The following AGBL3 variants were observed in gnomAD, a reference collection of about 807,000 sequenced individuals.
The protein encoded by AGBL3 is cytosolic carboxypeptidase 3.
Under a neutral mutation model 94.5 loss-of-function variants are expected in AGBL3, and 68 were observed. The observed-to-expected ratio is 0.72, with a 90% confidence interval of 0.59 to 0.88. The LOEUF is 0.88. Among genes scored for constraint, AGBL3 ranks in the 40% least tolerant of loss-of-function variants. The pLI is 0.00. For synonymous variants in AGBL3, 354 were observed against 370.7 expected (o/e 0.95, Z 0.52); for missense variants, 934 against 1,103.8 (o/e 0.85, Z 2.18).
chr7:134,994,874 C>T (rs548305621), intron 4 of AGBL3, among the ~76,000 whole-genome samples: 2 of 152,254 alleles, frequency 1.3e-5, no homozygotes, highest in African/African-American at 4.8e-5. Flanking sequence ...CCTTACACAT[C>T]TCTTCAAAGC....
At chr7:134,989,203 A>T (rs2133354481) in intron 2 of AGBL3, 47 bp from the exon 3 acceptor site, 1 of 1,415,498 alleles carries the variant, frequency 7.1e-7, no homozygotes, top group East Asian at 2.5e-5. Context: ...CTGGATTTGA[A>T]AACTGTTGGT....
chr7:135,088,185 A>G (rs1821481544), intron 15 of AGBL3, among the ~76,000 whole-genome samples: 1 of 151,998 alleles, frequency 6.6e-6, no homozygotes, highest in Admixed American at 6.6e-5. Flanking sequence ...CCATCCCTTC[A>G]GTTCAGCCTA....
At position 134,993,583 on chromosome 7, in the gene AGBL3, C is replaced by T. The variant is rs369701730; in HGVS notation, c.215C>T (p.Pro72Leu). 1 of 1,551,964 alleles carries T rather than the reference C, an allele frequency of 6.4e-7. No individual in the cohort carries two copies. The highest frequency in any genetic ancestry group is 2.4e-5 in the East Asian group (1 of 40,922). The change falls in exon 4 of 17, where the codon CCA becomes CTA. Residue 72 changes from proline (P) to leucine (L), a missense_variant. Pro to Leu is a moderately conservative substitution (Grantham distance 98). Around this residue, in one of 3 missense-constraint regions of AGBL3, gnomAD observed 488 missense variants for 563.6 expected, o/e 0.87. Coordinates refer to ENST00000436302, the MANE Select transcript of AGBL3 (RefSeq NM_178563.4). ...LGRWVPRLRE[P>L]RDLYGVSSSG... ...AGATGGGTGCCACGTCTTCGTGAAC[C>T]AAGGGATTTATATGGTGTCTCTTCT...
chr7:135,096,600 G>GATAGATAC (rs1822836732), intron 15 of AGBL3, among the ~76,000 whole-genome samples: 1 of 80,808 alleles, frequency 1.2e-5, no homozygotes, highest in Non-Finnish European at 2.8e-5. Flanking sequence ...TAGATAGATA[G>GATAGATAC]ATAGATAGAT....
chr7:134,993,228 C>T (rs1006031822), intron 3 of AGBL3, among the ~76,000 whole-genome samples: 2 of 152,140 alleles, frequency 1.3e-5, no homozygotes, highest in African/African-American at 4.8e-5. Flanking sequence ...GCTAGAAAAG[C>T]TACGAGAAAC....
chr7:135,079,158 C>T (rs1283429535), intron 13 of AGBL3, among the ~76,000 whole-genome samples: 2 of 152,240 alleles, frequency 1.3e-5, no homozygotes, highest in African/African-American at 2.4e-5. Context: ...TTCACAGAAT[C>T]ATTTCACTTA....
chr7:135,102,958 CTG>C (rs1162302805), intron 15 of AGBL3, among the ~76,000 whole-genome samples: 1 of 152,106 alleles, frequency 6.6e-6, no homozygotes, highest in Non-Finnish European at 1.5e-5. Context: ...TTAAAAGACA[CTG>C]TTAAGAAAAT....
chr7:134,997,602 C>T (rs747500516), intron 4 of AGBL3, among the ~76,000 whole-genome samples: 5 of 152,300 alleles, frequency 3.3e-5, no homozygotes, highest in African/African-American at 4.8e-5. Context: ...AAAATTGATA[C>T]TGTGTGTCCA....
intron 12 of AGBL3, among the ~76,000 whole-genome samples, chr7:135,075,730 C>G (rs1314432711): frequency 6.6e-6 from 1 of 152,214 alleles, no homozygotes; most frequent in Non-Finnish European, 1.5e-5. Flanking sequence ...TCTGTGCATC[C>G]TCACCAAAAT....
At chr7:135,100,469 G>C (rs1186628298) in intron 15 of AGBL3, among the ~76,000 whole-genome samples, 1 of 152,170 alleles carries the variant, frequency 6.6e-6, no homozygotes, top group African/African-American at 2.4e-5. Context: ...TGGTGGAATA[G>C]GTAACCATAG....
chr7:135,130,695 G>C (rs1328089301), intron 16 of AGBL3, among the ~76,000 whole-genome samples: 2 of 152,024 alleles, frequency 1.3e-5, no homozygotes, highest in Non-Finnish European at 2.9e-5. Context: ...TATGCATATA[G>C]TGACAGTATA....
At position 135,037,401 on chromosome 7, in the gene AGBL3, A is replaced by C. The variant is rs913975424; in HGVS notation, c.1338-17A>C. 3.0e-5 allele frequency: 46 copies of C among 1,531,292 alleles called. No individual in the cohort carries two copies. Among genetic ancestry groups the C allele is most frequent in the Non-Finnish European group, 3.9e-5 (44 of 1,139,844 alleles). 94.9% of individuals were successfully genotyped at this position (1,531,292 alleles called of 1,614,324 possible). A position where few individuals can be genotyped will look rare whatever the true frequency, so the allele number is the denominator to read the frequency against. On this transcript the variant is annotated splice_polypyrimidine_tract_variant and intron_variant, in intron 7 of 16. Transcript: ENST00000436302. ...ATGCAGAGATAAAAGTTAGTAACTT[A>C]TCTTTCTTCCTGGCAGACTGATGGA...
At position 135,134,999 on chromosome 7, in the gene AGBL3, A is replaced by G; in HGVS notation, c.2501A>G (p.Lys834Arg). 1 of 1,551,192 alleles carries G rather than the reference A, an allele frequency of 6.4e-7. No individual in the cohort carries two copies. Among genetic ancestry groups the G allele is most frequent in the Non-Finnish European group, 8.7e-7 (1 of 1,146,650 alleles). Residue 834 changes from lysine to arginine, a missense_variant, in exon 17 of 17, where the codon AAA (lysine) becomes AGA (arginine). Around this residue, in one of 3 missense-constraint regions of AGBL3, gnomAD observed 441 missense variants for 518.2 expected, o/e 0.85. Transcript: ENST00000436302. ...TCATTGGAAAGTTTATCACCTCTCA[A>G]AGGCCCCAAGAAGAATAAACATTCT... ...HRSLESLSPL[K>R]GPKKNKHSQI... is the part of the protein sequence containing the mutation.
At chr7:135,045,972 T>A (rs975843029) in intron 11 of AGBL3, 61 bp downstream of exon 11, 2 of 1,108,112 alleles carry the variant, frequency 1.8e-6, no homozygotes, top group African/African-American at 3.2e-5. Flanking sequence ...TTCTTTATAA[T>A]TATACCAGCA....
intron 13 of AGBL3, among the ~76,000 whole-genome samples, chr7:135,078,033 A>G (rs187021495): frequency 1.1e-4 from 16 of 152,330 alleles, no homozygotes; most frequent in Admixed American, 5.9e-4. Context: ...ACACTGGTAG[A>G]TTCATTGGAG....
At chr7:135,026,433 C>T (rs1003543596) in intron 5 of AGBL3, among the ~76,000 whole-genome samples, 1 of 151,178 alleles carries the variant, frequency 6.6e-6, no homozygotes, top group East Asian at 2.1e-4. Flanking sequence ...CGCTACCACA[C>T]CTGCCCAATT....
chr7:135,121,515 G>C (rs1827122672), intron 16 of AGBL3, among the ~76,000 whole-genome samples: 1 of 150,054 alleles, frequency 6.7e-6, no homozygotes. Flanking sequence ...TGACCACAAT[G>C]GAATCCAACT....
At chr7:135,082,801 C>CTA (rs929081014) in intron 15 of AGBL3, among the ~76,000 whole-genome samples, 32 of 151,756 alleles carry the variant, frequency 2.1e-4, no homozygotes, top group South Asian at 4.2e-4. Context: ...TATTGTTATA[C>CTA]TATATATATA....
At chr7:135,039,877 G>T (rs1227244124) in intron 8 of AGBL3, among the ~76,000 whole-genome samples, 1 of 151,598 alleles carries the variant, frequency 6.6e-6, no homozygotes, top group Non-Finnish European at 1.5e-5. Flanking sequence ...GAGAGACAAT[G>T]AAAAAAAATC....
Sources: allele counts gnomAD v4.1 joint callset (sites outside exome capture counted in the v4.1 genomes callset), GRCh38; gene constraint gnomAD v4.1.1; regional missense constraint gnomAD v4.1.1; transcripts MANE v1.5; gene names NCBI Gene and HGNC (gene_info 2026-07-23, HGNC 2026-07-21).